The following ENPEP variants were observed in gnomAD, a reference collection of about 807,000 sequenced individuals.
ENPEP encodes glutamyl aminopeptidase.
In ENPEP, 103 loss-of-function variants were observed where a neutral mutation model predicts 114.5. That is an observed-to-expected ratio of 0.90 (90% CI 0.77 to 1.06). The LOEUF (loss-of-function observed/expected upper bound fraction) is 1.06, where lower values mean the gene tolerates loss of function less well. ENPEP is among the 50% of genes least tolerant of loss of function. ENPEP has a pLI of 0.00. For synonymous variants in ENPEP, 420 were observed against 422.0 expected, an observed-to-expected ratio of 1.00 and a Z score of 0.06; for missense variants, 1,196 against 1,161.3, an observed-to-expected ratio of 1.03 and a Z score of -0.43.
At chr4:110,502,345 C>A (rs1725194547) in intron 3 of ENPEP, among the ~76,000 whole-genome samples, 1 of 152,138 alleles carries the variant, frequency 6.6e-6, no homozygotes, top group South Asian at 2.1e-4. Flanking sequence ...GTCATGAAAT[C>A]TTTGCCAGGT....
At chr4:110,537,234 G>T (rs932377762) in intron 11 of ENPEP, among the ~76,000 whole-genome samples, 16 of 152,214 alleles carry the variant, frequency 1.1e-4, no homozygotes, top group Admixed American at 2.6e-4. Context: ...TTCACAAAAG[G>T]TTTCTTTGAA....
At chr4:110,531,608 C>T (rs1355012701) in intron 11 of ENPEP, among the ~76,000 whole-genome samples, 1 of 151,820 alleles carries the variant, frequency 6.6e-6, no homozygotes, top group Non-Finnish European at 1.5e-5. Flanking sequence ...TCAGATAAGC[C>T]ATTGAATTTC....
intron 1 of ENPEP, among the ~76,000 whole-genome samples, chr4:110,487,971 T>G (rs1293036605): frequency 6.6e-6 from 1 of 152,202 alleles, no homozygotes; most frequent in Non-Finnish European, 1.5e-5. Flanking sequence ...CCTAGGAGAT[T>G]ACTCAGCACT....
At chr4:110,549,910 T>C (rs890604921) in intron 17 of ENPEP, 24 bp downstream of exon 17, 15 of 1,581,746 alleles carry the variant, frequency 9.5e-6, no homozygotes, top group Non-Finnish European at 1.3e-5. Flanking sequence ...TTATTTCACA[T>C]ATATAAATAG....
rs1727746322 is a variant in ENPEP at position 110,563,669 on chromosome 4, G to T, written c.*2111G>T. On this transcript the variant is annotated 3_prime_UTR_variant, in exon 20 of 20. Coordinates refer to ENST00000265162, the MANE Select transcript of ENPEP (RefSeq NM_001977.4). ...AATAATTAATTTTAATTGAAAAAAAGTAACCATTTAATTTCAAGAATTAAC... is the reference window on the plus strand; with the variant it reads ...AATAATTAATTTTAATTGAAAAAAATTAACCATTTAATTTCAAGAATTAAC... 2.0e-5 allele frequency: 3 copies of T among 152,118 alleles called. No individual in the cohort carries two copies. Among genetic ancestry groups the T allele is most frequent in the Non-Finnish European group, 2.9e-5 (2 of 68,030 alleles). 9.4% of individuals were successfully genotyped at this position (152,118 alleles called of 1,614,324 possible). A position where few individuals can be genotyped will look rare whatever the true frequency, so the allele number is the denominator to read the frequency against.
In ENPEP at chr4:110,554,265, G is replaced by A. The variant is rs140983835; in HGVS notation, c.2642+810G>A. ...TCTTAATCTCTCCTGTCAATCCAGC[G>A]GCACTGTCTCATTGATAATGACTGC... On this transcript the variant is annotated intron_variant, in intron 18 of 19. Transcript: ENST00000265162. Among the ~76,000 whole-genome samples the A allele has an allele frequency of 3.6e-3, 551 of 151,942 alleles. 3 individuals carry two copies. The highest frequency in any genetic ancestry group is 0.012 in the African/African-American group (484 of 41,450).
At chr4:110,522,787 C>A (rs1726051603) in intron 10 of ENPEP, among the ~76,000 whole-genome samples, 1 of 152,062 alleles carries the variant, frequency 6.6e-6, no homozygotes, top group South Asian at 2.1e-4. Flanking sequence ...AAAATTAAAC[C>A]AAGTGTGAAA....
At chr4:110,548,932 G>A (rs1727179269) in intron 14 of ENPEP, among the ~76,000 whole-genome samples, 1 of 152,044 alleles carries the variant, frequency 6.6e-6, no homozygotes, top group Admixed American at 6.6e-5. Flanking sequence ...GCCAGCACTT[G>A]CCTGCTTACG....
At chr4:110,512,029 G>A (rs1019165302) in intron 6 of ENPEP, among the ~76,000 whole-genome samples, 10 of 152,096 alleles carry the variant, frequency 6.6e-5, no homozygotes, top group African/African-American at 2.4e-4. Context: ...CTCCCAAAAT[G>A]CTGGGATTAC....
At chr4:110,509,923 C>CA (rs1725513914) in intron 5 of ENPEP, 116 bp downstream of exon 5, 1 of 1,333,040 alleles carries the variant, frequency 7.5e-7, no homozygotes, top group Admixed American at 3.0e-5. Context: ...GAAAAACTTG[C>CA]ATGAAAATCT....
In ENPEP at chr4:110,543,069, A is replaced by C. The variant is rs771050591; in HGVS notation, c.1999A>C (p.Arg667=). The change falls in exon 13 of 20, where the codon AGA becomes CGA. Residue 667 remains arginine, a splice_region_variant and synonymous_variant. Coordinates refer to ENST00000265162, the MANE Select transcript of ENPEP (RefSeq NM_001977.4). The part of the protein sequence containing the change: ...SLIDDAFALA[R]AQLLDYKVAL... ...TATTGATGATGCTTTTGCCTTGGCA[A>C]GGTGCGTTTTAGAATGAGACTAAAT... 1 of 1,612,736 alleles carries C rather than the reference A, an allele frequency of 6.2e-7. No individual in the cohort carries two copies. Among genetic ancestry groups the C allele is most frequent in the East Asian group, 2.2e-5 (1 of 44,846 alleles).
At position 110,563,609 on chromosome 4, in the gene ENPEP, TATG is replaced by T. The variant is rs1325436952; in HGVS notation, c.*2055_*2057del. ...TATTCACAGGGGACAAAAAATTTAATATGATGTTTCCAAAATTAAGCCACAGTA... is the reference window on the plus strand; with the variant it reads ...TATTCACAGGGGACAAAAAATTTAATATGTTTCCAAAATTAAGCCACAGTA... On this transcript the variant is annotated 3_prime_UTR_variant, in exon 20 of 20. Transcript: ENST00000265162. 2 of 152,120 alleles carry T rather than the reference TATG, an allele frequency of 1.3e-5. No individual in the cohort carries two copies. Among genetic ancestry groups the T allele is most frequent in the Non-Finnish European group, 2.9e-5 (2 of 68,002 alleles). The allele number at this position is 152,120 out of a possible 1,614,324, so 9.4% of individuals were successfully genotyped here.
intron 1 of ENPEP, among the ~76,000 whole-genome samples, chr4:110,481,137 T>C (rs1724299126): frequency 6.6e-6 from 1 of 152,228 alleles, no homozygotes; most frequent in African/African-American, 2.4e-5. Flanking sequence ...GGGATCTTAG[T>C]AGATATTACC....
At chr4:110,525,152 G>A (rs977326168) in intron 10 of ENPEP, among the ~76,000 whole-genome samples, 10 of 152,188 alleles carry the variant, frequency 6.6e-5, no homozygotes, top group Non-Finnish European at 1.5e-4. Context: ...AATACAACTT[G>A]CACAAAAATC....
chr4:110,551,223 G>C (rs1194115664), intron 17 of ENPEP, among the ~76,000 whole-genome samples: 2 of 151,900 alleles, frequency 1.3e-5, no homozygotes, highest in African/African-American at 4.8e-5. Flanking sequence ...GCCTTAGTAA[G>C]AACCTTGTGA....
At chr4:110,477,822 A>G (rs1290126805) in intron 1 of ENPEP, among the ~76,000 whole-genome samples, 1 of 152,232 alleles carries the variant, frequency 6.6e-6, no homozygotes, top group African/African-American at 2.4e-5. Context: ...GTATACAAAT[A>G]TCTATCTAGA....
chr4:110,510,365 C>T lies in ENPEP; in HGVS notation c.1308+7C>T, dbSNP rs1725529624. 2 of 1,599,406 alleles carry T rather than the reference C, an allele frequency of 1.3e-6. No homozygotes were observed. The highest frequency in any genetic ancestry group is 1.7e-5 in the Admixed American group (1 of 59,994). ...AGAAACAGACTGGCAAATGGTGAGTCCTAAACACATAAACTTGAAATCTCT... is the reference window on the plus strand; with the variant it reads ...AGAAACAGACTGGCAAATGGTGAGTTCTAAACACATAAACTTGAAATCTCT... On this transcript the variant is annotated splice_region_variant and intron_variant, in intron 6 of 19. Transcript: ENST00000265162.
At position 110,565,197 on chromosome 4, in the gene ENPEP, T is replaced by C. The variant is rs1727788109; in HGVS notation, c.*3639T>C. 6.6e-6 allele frequency: 1 copy of C among 152,100 alleles called. No homozygotes were observed. Among genetic ancestry groups the C allele is most frequent in the Non-Finnish European group, 1.5e-5 (1 of 68,008 alleles). 9.4% of individuals were successfully genotyped at this position (152,100 alleles called of 1,614,324 possible). Reference sequence around the variant, plus strand: ...TTACATTTTTAGATGGTTGAAAAAATCAAAAGGAGAATAATAGTTCATGAT... The same window carrying C: ...TTACATTTTTAGATGGTTGAAAAAACCAAAAGGAGAATAATAGTTCATGAT... On this transcript the variant is annotated 3_prime_UTR_variant, in exon 20 of 20. Transcript: ENST00000265162.
chr4:110,546,299 G>C (rs1472263802), intron 13 of ENPEP, among the ~76,000 whole-genome samples: 1 of 151,900 alleles, frequency 6.6e-6, no homozygotes, highest in East Asian at 1.9e-4. Context: ...AACAGACACA[G>C]AAATAATTCT....
Sources: gnomAD v4.1 joint callset for allele counts (sites outside exome capture counted in the v4.1 genomes callset) on GRCh38, gnomAD v4.1.1 for gene constraint, MANE v1.5 for transcripts, NCBI Gene and HGNC (gene_info 2026-07-23, HGNC 2026-07-21) for gene names.